Variants in CRACDL observed in about 807,000 individuals in gnomAD.
The protein encoded by CRACDL is CRACD like.
In CRACDL, 26 loss-of-function variants were observed where a neutral mutation model predicts 70.6. That is an observed-to-expected ratio of 0.37 (90% CI 0.27 to 0.51). CRACDL has a LOEUF of 0.51. CRACDL is among the 20% of genes least tolerant of loss of function. The probability of loss-of-function intolerance (pLI) is 0.94; values close to 1 mark genes in which losing one functional copy is unlikely to be tolerated. For synonymous variants in CRACDL, 618 were observed against 615.2 expected, an observed-to-expected ratio of 1.00 and a Z score of -0.07; for missense variants, 1,283 against 1,376.9, an observed-to-expected ratio of 0.93 and a Z score of 1.08.
chr2:98,796,340 C>G, intron 8 of CRACDL, 76 bp from the exon 9 acceptor site: 1 of 1,461,330 alleles, frequency 6.8e-7, no homozygotes, highest in Non-Finnish European at 9.5e-7. Context: ...AGTGAAGGAG[C>G]TGCAAAGCTG....
chr2:98,907,157 T>TATA (rs1708435646), intron 1 of CRACDL, among the ~76,000 whole-genome samples: 1 of 152,114 alleles, frequency 6.6e-6, no homozygotes, highest in African/African-American at 2.4e-5. Flanking sequence ...CTGGGCATGG[T>TATA]GGTGGGCACC....
Position 98,795,140 on chromosome 2 carries a change from A to G in CRACDL, c.2750-469T>C, listed in dbSNP as rs1032437498. On this transcript the variant is annotated intron_variant, in intron 9 of 9. Transcript: ENST00000397899. ...GCCCAGGCTGGAGTGCAGTGGTACA[A>G]TCTCAGCTCCCTGCAATCTCTGCCT... Among the ~76,000 whole-genome samples the G allele has an allele frequency of 6.9e-4, 98 of 141,130 alleles. 1 individual carries two copies. The highest frequency in any genetic ancestry group is 2.5e-3 in the African/African-American group (95 of 38,032). The allele number at this position is 141,130 out of a possible 152,430, so 92.6% of individuals were successfully genotyped here.
intron 1 of CRACDL, among the ~76,000 whole-genome samples, chr2:98,903,191 A>G (rs1394549428): frequency 6.6e-6 from 1 of 152,058 alleles, no homozygotes. Context: ...GCTTCACATG[A>G]ACTGGCAGAT....
intron 1 of CRACDL, 52 bp downstream of exon 1, chr2:98,935,886 C>A (rs1265865753): frequency 6.6e-6 from 1 of 152,236 alleles, no homozygotes; most frequent in Admixed American, 6.5e-5. Context: ...GCCCACCCCG[C>A]CTTCGACCCA....
intron 1 of CRACDL, among the ~76,000 whole-genome samples, chr2:98,849,202 C>A (rs1706381805): frequency 6.6e-6 from 1 of 152,192 alleles, no homozygotes; most frequent in Non-Finnish European, 1.5e-5. Flanking sequence ...GCTGGAGGAG[C>A]CCCGAGAGAT....
chr2:98,821,824 C>T, intron 7 of CRACDL, 33 bp downstream of exon 7: 1 of 1,603,730 alleles, frequency 6.2e-7, no homozygotes, highest in Non-Finnish European at 8.5e-7. Flanking sequence ...CTCCCCAGGC[C>T]CTGCCCTTCC....
intron 1 of CRACDL, among the ~76,000 whole-genome samples, chr2:98,870,386 C>T (rs1007843191): frequency 2.0e-5 from 3 of 152,232 alleles, no homozygotes; most frequent in African/African-American, 7.2e-5. Context: ...ACAACGAATA[C>T]ATTTGATGAT....
chr2:98,871,896 A>G (rs1707358761), intron 1 of CRACDL, among the ~76,000 whole-genome samples: 1 of 152,224 alleles, frequency 6.6e-6, no homozygotes, highest in Admixed American at 6.5e-5. Context: ...AGAGTATGCA[A>G]TAGCAAAGTC....
At chr2:98,801,632 ATC>A (rs1704080611) in intron 7 of CRACDL, among the ~76,000 whole-genome samples, 1 of 152,212 alleles carries the variant, frequency 6.6e-6, no homozygotes, top group South Asian at 2.1e-4. Flanking sequence ...CACTGTCTAT[ATC>A]TCTCAGTGTG....
At chr2:98,882,662 A>G (rs1413069213) in intron 1 of CRACDL, among the ~76,000 whole-genome samples, 1 of 152,124 alleles carries the variant, frequency 6.6e-6, no homozygotes, top group Non-Finnish European at 1.5e-5. Context: ...TTAAAGCCAA[A>G]CAAGCCTCAT....
intron 1 of CRACDL, among the ~76,000 whole-genome samples, chr2:98,898,764 T>A (rs1030594900): frequency 6.6e-6 from 1 of 152,194 alleles, no homozygotes; most frequent in African/African-American, 2.4e-5. Flanking sequence ...CAAGGATGAG[T>A]GCAACAGAGC....
chr2:98,827,357 C>A (rs1464268670), intron 5 of CRACDL, among the ~76,000 whole-genome samples, 188 bp from the exon 6 acceptor site: 1 of 151,894 alleles, frequency 6.6e-6, no homozygotes, highest in Non-Finnish European at 1.5e-5. Flanking sequence ...GGCTGGAGTG[C>A]AGTGGCGTGA....
At chr2:98,922,971 C>T (rs1391860486) in intron 1 of CRACDL, among the ~76,000 whole-genome samples, 3 of 152,176 alleles carry the variant, frequency 2.0e-5, no homozygotes, top group Admixed American at 6.5e-5. Flanking sequence ...GAGCCTACTA[C>T]ATCTTTTAAA....
At chr2:98,914,682 G>C (rs962543597) in intron 1 of CRACDL, among the ~76,000 whole-genome samples, 2 of 152,150 alleles carry the variant, frequency 1.3e-5, no homozygotes, top group African/African-American at 4.8e-5. Flanking sequence ...GGAGCTTCAC[G>C]CTGGCCCCAC....
At position 98,832,473 on chromosome 2, in the gene CRACDL, G is replaced by A. The variant is rs771059934; in HGVS notation, c.415C>T (p.Pro139Ser). ...CGCTTGGCAGGAAGCCCCCCTGGAG[G>A]AGGTGGTGGCCCCATTTTCACATTA... is the stretch of plus-strand genomic sequence containing the variant. ...QCNVKMGPPP[P>S]PGGLPAKRGE... The change falls in exon 5 of 10, where the codon CCT becomes TCT. Residue 139 changes from proline (P) to serine (S), a missense_variant. Physicochemically the swap from Pro to Ser is moderately conservative, Grantham distance 74. Transcript: ENST00000397899. 1 of 1,612,958 alleles carries A rather than the reference G, an allele frequency of 6.2e-7. No individual in the cohort carries two copies. Among genetic ancestry groups the A allele is most frequent in the South Asian group, 1.1e-5 (1 of 90,988 alleles).
At chr2:98,877,102 G>A (rs1420332629) in intron 1 of CRACDL, among the ~76,000 whole-genome samples, 5 of 152,232 alleles carry the variant, frequency 3.3e-5, no homozygotes, top group Non-Finnish European at 7.3e-5. Context: ...GTATACTCCA[G>A]GCAGCTGTTG....
chr2:98,931,798 G>A (rs1573217324), intron 1 of CRACDL, among the ~76,000 whole-genome samples: 4 of 152,256 alleles, frequency 2.6e-5, no homozygotes, highest in East Asian at 1.9e-4. Flanking sequence ...GGTGGCTGAC[G>A]CTGCTCAGGA....
chr2:98,931,548 A>G (rs1446921279), intron 1 of CRACDL, among the ~76,000 whole-genome samples: 1 of 152,152 alleles, frequency 6.6e-6, no homozygotes, highest in African/African-American at 2.4e-5. Flanking sequence ...AGACTGGTGT[A>G]TGGACCTCAG....
At chr2:98,889,285 G>GAAAGAA (rs1350102603) in intron 1 of CRACDL, among the ~76,000 whole-genome samples, 14 of 140,968 alleles carry the variant, frequency 9.9e-5, no homozygotes, top group East Asian at 2.2e-4. Flanking sequence ...GAAAAAGAGA[G>GAAAGAA]AGAAAGAAAG....
Sources: allele counts gnomAD v4.1 joint callset (sites outside exome capture counted in the v4.1 genomes callset), GRCh38; gene constraint gnomAD v4.1.1; transcripts MANE v1.5; gene names NCBI Gene and HGNC (gene_info 2026-07-23, HGNC 2026-07-21).